The following ATP6V1H variants were observed in gnomAD, a reference collection of about 807,000 sequenced individuals.
ATP6V1H encodes the protein ATPase H+ transporting V1 subunit H, also known as V-type proton ATPase subunit H.
ATP6V1H carries 39 observed loss-of-function variants against 71.7 expected under a neutral mutation model. The observed-to-expected ratio is 0.54, with a 90% CI of 0.42 to 0.71. The LOEUF (loss-of-function observed/expected upper bound fraction) is 0.71, where lower values mean the gene tolerates loss of function less well. Among genes scored for constraint, ATP6V1H ranks in the 30% least tolerant of loss-of-function variants. The pLI, the probability that ATP6V1H is intolerant of heterozygous loss-of-function variation, is 0.00. For missense variants in ATP6V1H, 509 were observed against 594.9 expected (o/e 0.86, Z 1.50); for synonymous variants, 192 against 199.3 (o/e 0.96, Z 0.31).
At chr8:53,818,001 C>A (rs1376969366) in intron 4 of ATP6V1H, among the ~76,000 whole-genome samples, 1 of 152,174 alleles carries the variant, frequency 6.6e-6, no homozygotes, top group Admixed American at 6.5e-5. Context: ...TACTTCTTAG[C>A]ATATCATGGT....
chr8:53,839,752 G>A, intron 2 of ATP6V1H: 1 of 985,220 alleles, frequency 1.0e-6, no homozygotes, highest in South Asian at 4.7e-5. Context: ...CAAAAAGAGG[G>A]CTCTGGGACA....
intron 13 of ATP6V1H, among the ~76,000 whole-genome samples, chr8:53,729,370 T>C (rs1334073707): frequency 6.6e-6 from 1 of 152,178 alleles, no homozygotes; most frequent in Non-Finnish European, 1.5e-5. Context: ...AGAGGCTATA[T>C]GAAGCAGATT....
intron 13 of ATP6V1H, among the ~76,000 whole-genome samples, chr8:53,726,873 G>A (rs919761378): frequency 6.6e-6 from 1 of 151,862 alleles, no homozygotes; most frequent in Non-Finnish European, 1.5e-5. Context: ...GCTCTGCTTC[G>A]TCCCCACTAT....
In ATP6V1H at chr8:53,746,121, C is replaced by T. The variant is rs181661734; in HGVS notation, c.1278-2431G>A. ...CACGTTGGGCACTGTGCTAAATGTT[C>T]ATATTTTTCATCTCATGTAATTCTC... On this transcript the variant is annotated intron_variant, in intron 12 of 13. Coordinates refer to ENST00000359530, the MANE Select transcript of ATP6V1H (RefSeq NM_015941.4). 4.2e-3 allele frequency among the ~76,000 whole-genome samples: 646 copies of T among 152,276 alleles called. 2 individuals are homozygous for T. The highest frequency in any genetic ancestry group is 0.017 in the Middle Eastern group (5 of 294).
At chr8:53,841,872 T>C (rs892302733) in intron 1 of ATP6V1H, 147 bp from the exon 2 acceptor site, 1 of 767,324 alleles carries the variant, frequency 1.3e-6, no homozygotes, top group African/African-American at 1.8e-5. Context: ...GAAAGTATCA[T>C]TATATTTCAA....
At chr8:53,772,903 CA>C (rs201949406) in intron 9 of ATP6V1H, among the ~76,000 whole-genome samples, 733 of 59,406 alleles carry the variant, frequency 0.012, 3 homozygotes, top group African/African-American at 0.03. Flanking sequence ...CTATCAAATG[CA>C]AAAAAAAAAA....
intron 11 of ATP6V1H, 69 bp downstream of exon 11, chr8:53,769,549 C>T: frequency 1.4e-6 from 2 of 1,457,368 alleles, no homozygotes; most frequent in South Asian, 2.8e-5. Context: ...TTTAGAGTGA[C>T]AAAAACGAGT....
intron 9 of ATP6V1H, among the ~76,000 whole-genome samples, chr8:53,782,842 G>A (rs1312172132): frequency 2.0e-5 from 3 of 152,240 alleles, no homozygotes; most frequent in South Asian, 4.1e-4. Flanking sequence ...GCTAGATTAC[G>A]TTTATTGATT....
At chr8:53,761,627 C>T (rs754102665) in intron 11 of ATP6V1H, among the ~76,000 whole-genome samples, 1 of 152,166 alleles carries the variant, frequency 6.6e-6, no homozygotes, top group Non-Finnish European at 1.5e-5. Flanking sequence ...AACTCAAAGT[C>T]ATAAGGTAAC....
chr8:53,811,490 G>T (rs77594778), intron 6 of ATP6V1H, among the ~76,000 whole-genome samples: 14,419 of 152,088 alleles, frequency 0.095, 1,020 homozygotes, highest in East Asian at 0.37. Context: ...AAATTTCATG[G>T]GTAAAGCTAG....
intron 13 of ATP6V1H, among the ~76,000 whole-genome samples, chr8:53,730,572 C>T (rs1350110504): frequency 1.3e-5 from 2 of 152,100 alleles, no homozygotes; most frequent in East Asian, 3.9e-4. Flanking sequence ...ACCTCAGTTA[C>T]GTAAGAGAAC....
intron 8 of ATP6V1H, among the ~76,000 whole-genome samples, chr8:53,798,236 C>G (rs188181086): frequency 2.2e-4 from 33 of 152,180 alleles, no homozygotes; most frequent in Non-Finnish European, 4.3e-4. Context: ...TTTAAGACCT[C>G]AGTTATCGGC....
At chr8:53,801,695 G>A in intron 8 of ATP6V1H, 104 bp downstream of exon 8, 1 of 984,626 alleles carries the variant, frequency 1.0e-6, no homozygotes, top group Non-Finnish European at 1.5e-6. Context: ...AAACAGATAT[G>A]AAAAAAATAA....
chr8:53,743,817 T>C, intron 12 of ATP6V1H, 127 bp from the exon 13 acceptor site: 1 of 611,688 alleles, frequency 1.6e-6, no homozygotes, highest in Non-Finnish European at 2.8e-6. Context: ...ACCAAACGTG[T>C]CTTTTTTTAC....
chr8:53,842,866 T>C (rs1811389051), intron 1 of ATP6V1H, 168 bp downstream of exon 1: 1 of 152,366 alleles, frequency 6.6e-6, no homozygotes. Flanking sequence ...TTTCGCTTAA[T>C]AAACCTGGTT....
intron 13 of ATP6V1H, among the ~76,000 whole-genome samples, chr8:53,735,396 A>C (rs1312048219): frequency 6.6e-6 from 1 of 152,234 alleles, no homozygotes; most frequent in East Asian, 1.9e-4. Context: ...AGATCACATG[A>C]AAACTACATG....
At chr8:53,819,806 A>ATGTG (rs531362176) in intron 4 of ATP6V1H, among the ~76,000 whole-genome samples, 6 of 146,014 alleles carry the variant, frequency 4.1e-5, no homozygotes, top group African/African-American at 1.5e-4. Context: ...TACAAAGTAT[A>ATGTG]TGTGTGTGTG....
chr8:53,715,696 A>AT lies in ATP6V1H; in HGVS notation c.*267dup. On this transcript the variant is annotated 3_prime_UTR_variant, in exon 14 of 14. Coordinates refer to ENST00000359530, the MANE Select transcript of ATP6V1H (RefSeq NM_015941.4). The stretch of plus-strand genomic sequence containing the variant: ...TTGGAGTGAGAATCCTTTAATAACT[A>AT]TATTTATTTCCAGAGAACAATAAAT... 1 of 338,622 alleles carries AT rather than the reference A, an allele frequency of 3.0e-6. No individual in the cohort carries two copies. 21.0% of individuals were successfully genotyped at this position (338,622 alleles called of 1,614,324 possible).
At chr8:53,798,055 G>A (rs1809798163) in intron 8 of ATP6V1H, among the ~76,000 whole-genome samples, 1 of 152,138 alleles carries the variant, frequency 6.6e-6, no homozygotes, top group Non-Finnish European at 1.5e-5. Flanking sequence ...GGAAGTTAAT[G>A]TTAACCTTCA....
Sources: gnomAD v4.1 joint callset for allele counts (sites outside exome capture counted in the v4.1 genomes callset) on GRCh38, gnomAD v4.1.1 for gene constraint, MANE v1.5 for transcripts, NCBI Gene and HGNC (gene_info 2026-07-23, HGNC 2026-07-21) for gene names.